PYGB: variants seen among roughly 807,000 people sequenced by gnomAD.
The protein encoded by PYGB is glycogen phosphorylase B.
Under a neutral mutation model 94.3 loss-of-function variants are expected in PYGB, and 82 were observed. The observed-to-expected ratio is 0.87, with a 90% CI of 0.73 to 1.04. PYGB has a LOEUF of 1.04. Ranked by LOEUF, PYGB falls within the 50% of genes least tolerant of loss-of-function variation. The pLI is 0.00. For synonymous variants in PYGB, 488 were observed against 479.1 expected, an observed-to-expected ratio of 1.02 and a Z score of -0.24; for missense variants, 1,132 against 1,158.2, an observed-to-expected ratio of 0.98 and a Z score of 0.33.
chr20:25,286,481 C>T (rs1378661761), intron 14 of PYGB, among the ~76,000 whole-genome samples: 3 of 152,126 alleles, frequency 2.0e-5, no homozygotes, highest in South Asian at 2.1e-4. Flanking sequence ...ATGTGATTTG[C>T]GAAGGGGTTC....
At chr20:25,291,248 A>T (rs533121053) in intron 16 of PYGB, among the ~76,000 whole-genome samples, 1 of 152,058 alleles carries the variant, frequency 6.6e-6, no homozygotes, top group African/African-American at 2.4e-5. Flanking sequence ...AGACCCTGGG[A>T]TGTGCTGCCA....
At chr20:25,288,387 G>T (rs200829633) in intron 14 of PYGB, 38 bp from the exon 15 acceptor site, 14 of 1,613,162 alleles carry the variant, frequency 8.7e-6, no homozygotes, top group Non-Finnish European at 1.2e-5. Flanking sequence ...CGTCCGGCTC[G>T]CGGTGCCTTG....
chr20:25,288,302 C>A, intron 14 of PYGB, 123 bp from the exon 15 acceptor site: 1 of 1,105,766 alleles, frequency 9.0e-7, no homozygotes, highest in Non-Finnish European at 1.4e-6. Flanking sequence ...GTCTCTGGGG[C>A]TTGAAGTACA....
chr20:25,255,816 C>T (rs371784736), intron 1 of PYGB, among the ~76,000 whole-genome samples: 3 of 152,130 alleles, frequency 2.0e-5, no homozygotes, highest in East Asian at 3.9e-4. Context: ...TCACTGCAAC[C>T]TCCGCCTCCC....
chr20:25,294,303 C>T lies in PYGB; in HGVS notation c.2312+11C>T, dbSNP rs1472810297. The T allele has an allele frequency of 1.6e-6, 2 of 1,237,398 alleles. No homozygotes were observed. Among genetic ancestry groups the T allele is most frequent in the East Asian group, 4.9e-5 (1 of 20,508 alleles). The allele number at this position is 1,237,398 out of a possible 1,614,324, so 76.7% of individuals were successfully genotyped here. On this transcript the variant is annotated intron_variant, in intron 18 of 19. Transcript: ENST00000216962. ...GATGCACCATGACAGGTGGGACCGA[C>T]TTCCCTGGTTGGGTGGCTGGGAGGG...
chr20:25,294,027 C>G (rs1374142859), intron 17 of PYGB, 131 bp from the exon 18 acceptor site: 1 of 1,288,508 alleles, frequency 7.8e-7, no homozygotes, highest in African/African-American at 1.5e-5. Context: ...GGCTGCTGCC[C>G]TGGACCGTGC....
chr20:25,276,322 G>A (rs368445498), intron 5 of PYGB, among the ~76,000 whole-genome samples: 8 of 152,286 alleles, frequency 5.3e-5, no homozygotes, highest in African/African-American at 1.9e-4. Context: ...GGTTGGTGCT[G>A]CAGCACCTCA....
intron 14 of PYGB, among the ~76,000 whole-genome samples, chr20:25,287,482 TA>T (rs2088428049): frequency 6.6e-6 from 1 of 152,058 alleles, no homozygotes; most frequent in African/African-American, 2.4e-5. Context: ...CCATCTGTAC[TA>T]AAAGTGAAAA....
chr20:25,292,392 G>C lies in PYGB; in HGVS notation c.1970-14G>C. The stretch of plus-strand genomic sequence containing the variant: ...GTCCTCACAGTGATCCCCTCCACGG[G>C]CTCCCCTCCACAGTGATCCCGGCCG... On this transcript the variant is annotated splice_polypyrimidine_tract_variant and intron_variant, in intron 16 of 19. Transcript: ENST00000216962. 6.2e-7 allele frequency: 1 copy of C among 1,610,342 alleles called. No individual in the cohort carries two copies. The highest frequency in any genetic ancestry group is 8.5e-7 in the Non-Finnish European group (1 of 1,179,800).
intron 2 of PYGB, among the ~76,000 whole-genome samples, chr20:25,262,936 C>A (rs2092916917): frequency 6.6e-6 from 1 of 152,156 alleles, no homozygotes; most frequent in Non-Finnish European, 1.5e-5. Context: ...TACATATGCA[C>A]CCAATACAGG....
Position 25,285,968 on chromosome 20 carries a change from G to A in PYGB, c.1768+1717G>A, listed in dbSNP as rs73343043. On this transcript the variant is annotated intron_variant, in intron 14 of 19. Coordinates refer to ENST00000216962, the MANE Select transcript of PYGB (RefSeq NM_002862.4). ...GCCTGGACCCTTCACCATGAAGGTCGGTTTGGCTGAAGATGCCAGTCTTAA... is the reference window on the plus strand; with the variant it reads ...GCCTGGACCCTTCACCATGAAGGTCAGTTTGGCTGAAGATGCCAGTCTTAA... Among the ~76,000 whole-genome samples, 1,222 of 152,296 alleles carry A rather than the reference G, an allele frequency of 8.0e-3. 21 individuals carry two copies. Among genetic ancestry groups the A allele is most frequent in the African/African-American group, 0.028 (1,172 of 41,552 alleles).
intron 7 of PYGB, among the ~76,000 whole-genome samples, chr20:25,277,892 A>G (rs1409402273): frequency 1.3e-5 from 2 of 152,246 alleles, no homozygotes; most frequent in African/African-American, 4.8e-5. Context: ...AAGATGCCCT[A>G]GTGGGCAGAG....
Position 25,274,862 on chromosome 20 carries a change from G to A in PYGB, c.660+139G>A, listed in dbSNP as rs1431442022. On this transcript the variant is annotated intron_variant, in intron 5 of 19. Coordinates refer to ENST00000216962, the MANE Select transcript of PYGB (RefSeq NM_002862.4). ...AGGACTTAAGGTAAAAGCCGGGGGA[G>A]GTTTATTCTCCTCACTCCCCAGTCT... The A allele has an allele frequency of 6.0e-6, 8 of 1,325,192 alleles. No homozygotes were observed. The Admixed American group carries it at 1.4e-4, about 23-fold the overall frequency. The allele number at this position is 1,325,192 out of a possible 1,614,324, so 82.1% of individuals were successfully genotyped here. A position where few individuals can be genotyped will look rare whatever the true frequency, so the allele number is the denominator to read the frequency against.
chr20:25,251,773 A>G (rs1005622698), intron 1 of PYGB, among the ~76,000 whole-genome samples: 3 of 152,232 alleles, frequency 2.0e-5, no homozygotes, highest in Admixed American at 6.5e-5. Flanking sequence ...GGATGTAACA[A>G]TCAGTTTTTG....
At chr20:25,273,238 C>T (rs1383594576) in intron 4 of PYGB, among the ~76,000 whole-genome samples, 1 of 152,166 alleles carries the variant, frequency 6.6e-6, no homozygotes, top group Non-Finnish European at 1.5e-5. Context: ...TTGCTTCTGC[C>T]GACGACTCCT....
At chr20:25,251,687 C>T (rs552713110) in intron 1 of PYGB, among the ~76,000 whole-genome samples, 4 of 152,178 alleles carry the variant, frequency 2.6e-5, no homozygotes, top group Non-Finnish European at 5.9e-5. Context: ...AGGACAGTTG[C>T]ACGGTTTATT....
intron 8 of PYGB, 55 bp from the exon 9 acceptor site, chr20:25,279,002 G>A (rs988212464): frequency 1.3e-5 from 20 of 1,538,024 alleles, no homozygotes; most frequent in South Asian, 5.9e-5. Context: ...GCCAACAACC[G>A]TGGGTGCCCA....
intron 11 of PYGB, among the ~76,000 whole-genome samples, chr20:25,281,787 A>G (rs2088369848): frequency 6.6e-6 from 1 of 152,164 alleles, no homozygotes; most frequent in Admixed American, 6.5e-5. Flanking sequence ...GCCAGGCTCT[A>G]ATGCCTGCAA....
chr20:25,273,851 T>A (rs529613889), intron 4 of PYGB, among the ~76,000 whole-genome samples: 1 of 152,276 alleles, frequency 6.6e-6, no homozygotes, highest in Admixed American at 6.5e-5. Context: ...AATTTTAATT[T>A]AATAATTTTT....
Sources: gnomAD v4.1 joint callset for allele counts (sites outside exome capture counted in the v4.1 genomes callset) on GRCh38, gnomAD v4.1.1 for gene constraint, MANE v1.5 for transcripts, NCBI Gene and HGNC (gene_info 2026-07-23, HGNC 2026-07-21) for gene names.